The following NDST1 variants were observed in gnomAD, a reference collection of about 807,000 sequenced individuals.
The protein encoded by NDST1 is N-deacetylase and N-sulfotransferase 1.
Under a neutral mutation model 92.8 loss-of-function variants are expected in NDST1, and 35 were observed. The ratio of observed to expected loss-of-function variants is 0.38; its 90% confidence interval spans 0.29 to 0.50. The LOEUF (loss-of-function observed/expected upper bound fraction) is 0.50, where lower values mean the gene tolerates loss of function less well. Among genes scored for constraint, NDST1 ranks in the 20% least tolerant of loss-of-function variants. NDST1 has a pLI of 0.94. For missense variants in NDST1, 822 were observed against 1,182.7 expected (o/e 0.69, Z 4.47); for synonymous variants, 493 against 500.3 (o/e 0.99, Z 0.19).
intron 1 of NDST1, among the ~76,000 whole-genome samples, chr5:150,501,433 G>A (rs1334337946): frequency 6.6e-6 from 1 of 152,192 alleles, no homozygotes; most frequent in Non-Finnish European, 1.5e-5. Flanking sequence ...AGGGACAAAC[G>A]TAAAGTCTTG....
intron 3 of NDST1, among the ~76,000 whole-genome samples, chr5:150,529,571 G>A (rs1041391567): frequency 2.0e-5 from 3 of 152,002 alleles, no homozygotes; most frequent in Non-Finnish European, 2.9e-5. Flanking sequence ...AAACTTATTC[G>A]CAAAGGAGAT....
chr5:150,518,377 G>C (rs1410574034), intron 1 of NDST1, among the ~76,000 whole-genome samples: 2 of 151,568 alleles, frequency 1.3e-5, no homozygotes. Context: ...TCAGGGTACT[G>C]GCACTGAAAT....
chr5:150,554,665 A>G lies in NDST1; in HGVS notation c.*1333A>G, dbSNP rs1001509572. On this transcript the variant is annotated 3_prime_UTR_variant, in exon 15 of 15. Coordinates refer to ENST00000261797, the MANE Select transcript of NDST1 (RefSeq NM_001543.5). Reference sequence around the variant, plus strand: ...CAGTGACCCTGAGGGGATTTTGGCCAAAGGAAACAGCCAGGGCTGGGCTAG... The same window carrying G: ...CAGTGACCCTGAGGGGATTTTGGCCGAAGGAAACAGCCAGGGCTGGGCTAG... 4.6e-5 allele frequency: 7 copies of G among 152,778 alleles called. No individual in the cohort carries two copies. The highest frequency in any genetic ancestry group is 1.7e-4 in the African/African-American group (7 of 41,448). The allele number at this position is 152,778 out of a possible 1,614,324, so 9.5% of individuals were successfully genotyped here.
intron 2 of NDST1, among the ~76,000 whole-genome samples, chr5:150,523,323 C>A (rs187094597): frequency 4.3e-4 from 66 of 152,320 alleles, no homozygotes; most frequent in Admixed American, 1.2e-3. Flanking sequence ...CCCTTTCCTG[C>A]CATGAACTTC....
intron 1 of NDST1, among the ~76,000 whole-genome samples, chr5:150,499,621 A>G (rs1200644235): frequency 6.6e-6 from 1 of 152,188 alleles, no homozygotes. Flanking sequence ...GCCATGGTCT[A>G]TCCCTCCAGC....
In NDST1 at chr5:150,557,656, G is replaced by A. The variant is rs553628133; in HGVS notation, c.*4324G>A. On this transcript the variant is annotated 3_prime_UTR_variant, in exon 15 of 15. Coordinates refer to ENST00000261797, the MANE Select transcript of NDST1 (RefSeq NM_001543.5). The surrounding 1 kb of genome is among the most constrained non-coding windows in gnomAD (Gnocchi z 4.7). ...TCTGCTCTAGTTGATGTGAGGATGA[G>A]GGGGCGGCCTAGACCCCCTGCTGCC... 2.0e-5 allele frequency: 3 copies of A among 152,300 alleles called. No individual in the cohort carries two copies. The highest frequency in any genetic ancestry group is 4.4e-5 in the Non-Finnish European group (3 of 68,052). The allele number at this position is 152,300 out of a possible 1,614,324, so 9.4% of individuals were successfully genotyped here.
chr5:150,518,648 C>T (rs1043720260), intron 1 of NDST1: 5 of 152,154 alleles, frequency 3.3e-5, no homozygotes, highest in African/African-American at 7.2e-5. Context: ...TATGACCGCA[C>T]GTACAAACTG....
rs144692918 is a variant in NDST1 at position 150,509,336 on chromosome 5, A to G, written c.-388+1110A>G. On this transcript the variant is annotated intron_variant, in intron 1 of 14. Coordinates refer to ENST00000261797, the MANE Select transcript of NDST1 (RefSeq NM_001543.5). ...ATTGTTTTTACTTCACTGGGCATAA[A>G]TGACAAATAAATGAAGTGAGGGTTG... Among the ~76,000 whole-genome samples the G allele has an allele frequency of 6.8e-3, 1,037 of 152,228 alleles. 17 individuals carry two copies. Among genetic ancestry groups the G allele is most frequent in the African/African-American group, 0.024 (999 of 41,538 alleles).
Position 150,553,676 on chromosome 5 carries a change from C to T in NDST1, c.*344C>T, listed in dbSNP as rs1320916507. 1 of 414,908 alleles carries T rather than the reference C, an allele frequency of 2.4e-6. No homozygotes were observed. Among genetic ancestry groups the T allele is most frequent in the Non-Finnish European group, 4.6e-6 (1 of 218,528 alleles). 25.7% of individuals were successfully genotyped at this position (414,908 alleles called of 1,614,324 possible). A position where few individuals can be genotyped will look rare whatever the true frequency, so the allele number is the denominator to read the frequency against. On this transcript the variant is annotated 3_prime_UTR_variant, in exon 15 of 15. Coordinates refer to ENST00000261797, the MANE Select transcript of NDST1 (RefSeq NM_001543.5). The surrounding 1 kb of genome is among the most constrained non-coding windows in gnomAD (Gnocchi z 4.2). ...CTGTCCCCTCTCGTCACCCATCACT[C>T]CCTGCTTCCGCAGGGCGCCCCTCAG...
chr5:150,502,302 A>AT (rs1402774320), intron 1 of NDST1, among the ~76,000 whole-genome samples: 1 of 151,926 alleles, frequency 6.6e-6, no homozygotes, highest in Admixed American at 6.6e-5. Context: ...TTGGTTCTGG[A>AT]TTTATTTTGC....
At chr5:150,524,249 C>T (rs993410195) in intron 2 of NDST1, among the ~76,000 whole-genome samples, 2 of 152,230 alleles carry the variant, frequency 1.3e-5, no homozygotes, top group Non-Finnish European at 2.9e-5. Context: ...GTGGGGAGCA[C>T]TGAGCCCATT....
Position 150,534,933 on chromosome 5 carries a change from C to A in NDST1, c.1163C>A (p.Pro388His). The A allele has an allele frequency of 1.2e-6, 2 of 1,614,244 alleles. No individual in the cohort carries two copies. The highest frequency in any genetic ancestry group is 1.7e-6 in the Non-Finnish European group (2 of 1,180,034). Residue 388 changes from proline (P) to histidine (H), a missense_variant, in exon 5 of 15, where the codon CCC becomes CAC. By Grantham distance (77) the Pro-to-His change is moderately conservative. Coordinates refer to ENST00000261797, the MANE Select transcript of NDST1 (RefSeq NM_001543.5). ...LSYVKEFWWF[P>H]HMWSHMQPHL... ...TATGTGAAGGAGTTCTGGTGGTTCC[C>A]CCACATGTGGAGCCACATGCAGCCC...
chr5:150,501,805 G>A (rs940016305), intron 1 of NDST1, among the ~76,000 whole-genome samples: 4 of 152,186 alleles, frequency 2.6e-5, no homozygotes, highest in African/African-American at 7.2e-5. Context: ...AGATGTGCCT[G>A]GAAGAAAAAT....
intron 6 of NDST1, among the ~76,000 whole-genome samples, chr5:150,537,664 C>T (rs974863102): frequency 6.6e-6 from 1 of 152,242 alleles, no homozygotes; most frequent in Non-Finnish European, 1.5e-5. Context: ...TGATCTCGCC[C>T]TGCCTCCATT....
chr5:150,540,529 G>A (rs968688798), intron 8 of NDST1, among the ~76,000 whole-genome samples: 15 of 152,244 alleles, frequency 9.9e-5, no homozygotes, highest in Admixed American at 4.6e-4. Flanking sequence ...TTAAAAAAAC[G>A]AGTGGGCTGG....
rs1755126358 is a variant in NDST1 at position 150,539,111 on chromosome 5, A to T, written c.1438-117A>T. On this transcript the variant is annotated intron_variant, in intron 6 of 14. Coordinates refer to ENST00000261797, the MANE Select transcript of NDST1 (RefSeq NM_001543.5). ...TGCACCCAAGGGTAGGGGCTGTGCG[A>T]CCACATGGAGACTGCCTTTCTGAGG... The T allele has an allele frequency of 3.3e-5, 28 of 840,754 alleles. No homozygotes were observed. The South Asian group carries it at 3.9e-4, about 12-fold the overall frequency. 52.1% of individuals were successfully genotyped at this position (840,754 alleles called of 1,614,324 possible).
rs768135276 is a variant in NDST1 at position 150,551,744 on chromosome 5, C to A, written c.2427-9C>A. Reference sequence around the variant, plus strand: ...CAGCTCCCATCCAAAGACTTTCCCACCTCCACAGGTTTGATCCAAAGAAAG... The same window carrying A: ...CAGCTCCCATCCAAAGACTTTCCCAACTCCACAGGTTTGATCCAAAGAAAG... On this transcript the variant is annotated splice_polypyrimidine_tract_variant and intron_variant, in intron 13 of 14. Coordinates refer to ENST00000261797, the MANE Select transcript of NDST1 (RefSeq NM_001543.5). 9 of 1,612,068 alleles carry A rather than the reference C, an allele frequency of 5.6e-6. No homozygotes were observed. Among genetic ancestry groups the A allele is most frequent in the Non-Finnish European group, 8.5e-7 (1 of 1,178,650 alleles).
chr5:150,510,498 C>A (rs942065933), intron 1 of NDST1, among the ~76,000 whole-genome samples: 1 of 152,204 alleles, frequency 6.6e-6, no homozygotes, highest in East Asian at 1.9e-4. Context: ...CTCAGTGGGA[C>A]TGTCAGGACT....
chr5:150,518,697 A>G (rs1034925989), intron 1 of NDST1: 3 of 152,206 alleles, frequency 2.0e-5, no homozygotes, highest in Non-Finnish European at 4.4e-5. Flanking sequence ...ACATACGGTA[A>G]TTATATTTCT....
Sources: gnomAD v4.1 joint callset for allele counts (sites outside exome capture counted in the v4.1 genomes callset) on GRCh38, gnomAD v4.1.1 for gene constraint, Gnocchi (gnomAD v3.1) non-coding constraint, MANE v1.5 for transcripts, NCBI Gene and HGNC (gene_info 2026-07-23, HGNC 2026-07-21) for gene names.